RTN3: variants seen among roughly 807,000 people sequenced by gnomAD.
RTN3 encodes reticulon-3.
In RTN3, 49 loss-of-function variants were observed where a neutral mutation model predicts 77.8. The observed-to-expected ratio is 0.63, with a 90% CI of 0.50 to 0.80. The LOEUF is 0.80. Among genes scored for constraint, RTN3 ranks in the 30% least tolerant of loss-of-function variants. The pLI is 0.00. For synonymous variants in RTN3, 464 were observed against 446.9 expected (o/e 1.04, Z -0.48); for missense variants, 1,236 against 1,211.9 (o/e 1.02, Z -0.29).
rs2011552047 is a variant in RTN3 at position 63,718,870 on chromosome 11, A to G, written c.368A>G (p.Asp123Gly). The G allele has an allele frequency of 1.2e-6, 2 of 1,614,078 alleles. No individual in the cohort carries two copies. The highest frequency in any genetic ancestry group is 1.7e-5 in the Admixed American group (1 of 59,990). ...ILAKEGKDHL[D>G]LLDMKKMEKP... ...GCCAAAGAAGGAAAAGACCACTTGG[A>G]TCTTCTAGATATGAAAAAGATGGAA... is the stretch of plus-strand genomic sequence containing the variant. The change falls in exon 3 of 9, where the codon GAT (aspartate) becomes GGT (glycine). Residue 123 changes from aspartate to glycine, a missense_variant. Asp to Gly is a moderately conservative substitution (Grantham distance 94). Coordinates refer to ENST00000377819, the MANE Select transcript of RTN3 (RefSeq NM_001265589.2).
intron 1 of RTN3, among the ~76,000 whole-genome samples, chr11:63,685,961 T>A (rs1311869578): frequency 2.0e-5 from 3 of 152,108 alleles, no homozygotes; most frequent in Admixed American, 2.0e-4. Flanking sequence ...TGCTTAGAGA[T>A]GGGGATCAGG....
At chr11:63,737,715 T>C (rs1369301500) in intron 3 of RTN3, among the ~76,000 whole-genome samples, 1 of 152,242 alleles carries the variant, frequency 6.6e-6, no homozygotes, top group Non-Finnish European at 1.5e-5. Flanking sequence ...TGCCATTTTG[T>C]TTTCTGTTTT....
intron 3 of RTN3, 148 bp downstream of exon 3, chr11:63,721,180 TCTC>T (rs1187312165): frequency 1.2e-5 from 8 of 653,218 alleles, no homozygotes; most frequent in Non-Finnish European, 1.5e-5. Context: ...GGCAGATTCT[TCTC>T]CTGTCTTTTT....
Position 63,686,364 on chromosome 11 carries a change from G to T in RTN3, c.142+4586G>T, listed in dbSNP as rs373273426. Reference sequence around the variant, plus strand: ...GGGGCGCCTGTAGTCCCAGCTACTCGGGAGGCTGAGGCAGGAGAATGGCGT... The same window carrying T: ...GGGGCGCCTGTAGTCCCAGCTACTCTGGAGGCTGAGGCAGGAGAATGGCGT... On this transcript the variant is annotated intron_variant, in intron 1 of 8. Transcript: ENST00000377819. 5.6e-4 allele frequency among the ~76,000 whole-genome samples: 85 copies of T among 151,916 alleles called. No individual in the cohort carries two copies. In the Middle Eastern group the frequency reaches 0.017, roughly 30 times the overall value.
chr11:63,719,667 G>A lies in RTN3; in HGVS notation c.1165G>A (p.Val389Ile), dbSNP rs1392987685. The A allele has an allele frequency of 3.1e-6, 5 of 1,614,072 alleles. No homozygotes were observed. The South Asian group carries it at 5.5e-5, about 18-fold the overall frequency. ...AACTAGCACTCATCAGAAAACTCCT[G>A]TATGTTCTATTGATGGGAGCACTCC... ...LKTSTHQKTP[V>I]CSIDGSTPIT... Residue 389 changes from valine to isoleucine, a missense_variant, in exon 3 of 9, where the codon GTA becomes ATA. Val to Ile is a conservative substitution (Grantham distance 29). Coordinates refer to ENST00000377819, the MANE Select transcript of RTN3 (RefSeq NM_001265589.2).
chr11:63,735,551 T>C (rs1212078239), intron 3 of RTN3, among the ~76,000 whole-genome samples: 1 of 48,268 alleles, frequency 2.1e-5, no homozygotes, highest in African/African-American at 9.3e-5. Context: ...TTCTAACATT[T>C]CTCTCTCTCT....
At chr11:63,730,262 C>T (rs529049016) in intron 3 of RTN3, among the ~76,000 whole-genome samples, 3 of 152,200 alleles carry the variant, frequency 2.0e-5, no homozygotes, top group East Asian at 1.9e-4. Flanking sequence ...CCACCGTGCT[C>T]GGCCAAAAGA....
intron 3 of RTN3, among the ~76,000 whole-genome samples, chr11:63,733,945 G>A (rs11231577): frequency 2.0e-5 from 3 of 151,690 alleles, no homozygotes; most frequent in African/African-American, 4.8e-5. Context: ...TATACACACA[G>A]ACACACATAT....
chr11:63,707,634 G>T (rs1259708786), intron 2 of RTN3, among the ~76,000 whole-genome samples: 4 of 152,080 alleles, frequency 2.6e-5, no homozygotes, highest in Non-Finnish European at 5.9e-5. Flanking sequence ...AGGAGTTCGA[G>T]ACCAGCCTAG....
chr11:63,724,531 G>C (rs1286561384), intron 3 of RTN3, among the ~76,000 whole-genome samples: 1 of 117,910 alleles, frequency 8.5e-6, no homozygotes, highest in Non-Finnish European at 1.7e-5. Flanking sequence ...TCACCGTGTT[G>C]CCCAGGCTGG....
chr11:63,757,218 T>C (rs1420000261), intron 8 of RTN3, among the ~76,000 whole-genome samples: 1 of 152,248 alleles, frequency 6.6e-6, no homozygotes, highest in East Asian at 1.9e-4. Flanking sequence ...TTTAAACCAA[T>C]TAATAAATCA....
intron 1 of RTN3, among the ~76,000 whole-genome samples, chr11:63,702,274 GT>G (rs1374570864): frequency 6.7e-6 from 1 of 149,876 alleles, no homozygotes; most frequent in African/African-American, 2.5e-5. Flanking sequence ...TTAGTGTGTG[GT>G]TTTTTTGTGT....
intron 2 of RTN3, among the ~76,000 whole-genome samples, chr11:63,707,994 A>G (rs1363613081): frequency 6.6e-6 from 1 of 152,238 alleles, no homozygotes; most frequent in Non-Finnish European, 1.5e-5. Flanking sequence ...TAGCCTGTTC[A>G]GTTGTTTGAA....
chr11:63,733,488 A>G (rs1042565766), intron 3 of RTN3, among the ~76,000 whole-genome samples: 2 of 135,154 alleles, frequency 1.5e-5, no homozygotes, highest in East Asian at 4.0e-4. Context: ...GTCTCAGAAT[A>G]AAAAAAAAAA....
At chr11:63,716,099 G>A (rs1249691059) in intron 2 of RTN3, among the ~76,000 whole-genome samples, 1 of 152,152 alleles carries the variant, frequency 6.6e-6, no homozygotes, top group Non-Finnish European at 1.5e-5. Context: ...TTCCTTGAAT[G>A]TACAAAGACT....
chr11:63,727,826 G>A (rs912207751), intron 3 of RTN3, among the ~76,000 whole-genome samples: 20 of 152,118 alleles, frequency 1.3e-4, no homozygotes, highest in African/African-American at 4.3e-4. Context: ...AGAGGAAAGT[G>A]AGAGAGAGAC....
intron 3 of RTN3, among the ~76,000 whole-genome samples, chr11:63,734,731 CAA>C (rs1416589902): frequency 8.0e-6 from 1 of 124,716 alleles, no homozygotes; most frequent in Non-Finnish European, 1.6e-5. Flanking sequence ...GACTCTGTCT[CAA>C]AACACACACA....
chr11:63,713,024 G>A (rs537717743), intron 2 of RTN3, among the ~76,000 whole-genome samples: 1 of 152,228 alleles, frequency 6.6e-6, no homozygotes, highest in East Asian at 1.9e-4. Flanking sequence ...GAACCCAGGA[G>A]GCAGAGGTTG....
At chr11:63,725,928 A>G (rs1173382437) in intron 3 of RTN3, among the ~76,000 whole-genome samples, 1 of 152,184 alleles carries the variant, frequency 6.6e-6, no homozygotes, top group Non-Finnish European at 1.5e-5. Context: ...TAAAAACTAC[A>G]TTGTTCAGCA....
Sources: allele counts gnomAD v4.1 joint callset (sites outside exome capture counted in the v4.1 genomes callset), GRCh38; gene constraint gnomAD v4.1.1; transcripts MANE v1.5; gene names NCBI Gene and HGNC (gene_info 2026-07-23, HGNC 2026-07-21).